Variants in VARS1 observed in about 807,000 individuals in gnomAD.
The protein encoded by VARS1 is valyl-tRNA synthetase 1, also known as valine--tRNA ligase.
Under a neutral mutation model 161.0 loss-of-function variants are expected in VARS1, and 92 were observed. That is an observed-to-expected ratio of 0.57 (90% CI 0.48 to 0.68). The LOEUF (loss-of-function observed/expected upper bound fraction) is 0.68. Ranked by LOEUF, VARS1 falls within the 30% of genes least tolerant of loss-of-function variation. The pLI is 0.00. For synonymous variants in VARS1, 595 were observed against 682.5 expected (o/e 0.87, Z 2.00); for missense variants, 1,338 against 1,695.9 (o/e 0.79, Z 3.71).
At position 31,781,131 on chromosome 6, in the gene VARS1, G is replaced by A. The variant is rs1228020485; in HGVS notation, c.2545-8C>T. On this transcript the variant is annotated splice_region_variant and splice_polypyrimidine_tract_variant and intron_variant, in intron 21 of 29. Transcript: ENST00000375663. The surrounding 1 kb of genome is among the most constrained non-coding windows in gnomAD (Gnocchi z 6.8). ...GATGGCATGGAGGTAGACCTGCAGA[G>A]CAGGTGGGGAGGCCCATGAGACTCA... 3.7e-6 allele frequency: 6 copies of A among 1,612,422 alleles called. No homozygotes were observed. The African/African-American group carries it at 5.3e-5, about 14-fold the overall frequency.
chr6:31,780,799 AG>A lies in VARS1; in HGVS notation c.2719-17del. On this transcript the variant is annotated splice_polypyrimidine_tract_variant and intron_variant, in intron 23 of 29. Transcript: ENST00000375663. The surrounding 1 kb of genome is among the most constrained non-coding windows in gnomAD (Gnocchi z 5.1). ...AGTCAGCTTTCTACAGGGAAGAGGC[AG>A]GGGGAGGAGCGTCCTCAGCCAGCCC... 1 of 1,614,158 alleles carries A rather than the reference AG, an allele frequency of 6.2e-7. No individual in the cohort carries two copies. The highest frequency in any genetic ancestry group is 8.5e-7 in the Non-Finnish European group (1 of 1,179,996).
In VARS1 at chr6:31,795,405, T is replaced by G; in HGVS notation, c.-34+141A>C. On this transcript the variant is annotated intron_variant, in intron 1 of 29. Coordinates refer to ENST00000375663, the MANE Select transcript of VARS1 (RefSeq NM_006295.3). The surrounding 1 kb of genome is among the most constrained non-coding windows in gnomAD (Gnocchi z 6.9). ...GGCAGGCTGTCAGGAGCCGAGGACC[T>G]GGCTCTCAGAGGGGCAGTGTCAGTG... is the stretch of plus-strand genomic sequence containing the variant. 2.3e-6 allele frequency: 1 copy of G among 438,952 alleles called. No homozygotes were observed. Among genetic ancestry groups the G allele is most frequent in the South Asian group, 1.2e-4 (1 of 8,380 alleles). The allele number at this position is 438,952 out of a possible 1,614,324, so 27.2% of individuals were successfully genotyped here. A position where few individuals can be genotyped will look rare whatever the true frequency, so the allele number is the denominator to read the frequency against.
rs1419911404 is a variant in VARS1 at position 31,780,716 on chromosome 6, T to A, written c.2786A>T (p.Tyr929Phe). The A allele has an allele frequency of 2.5e-6, 4 of 1,614,028 alleles. No individual in the cohort carries two copies. The highest frequency in any genetic ancestry group is 3.4e-6 in the Non-Finnish European group (4 of 1,180,032). Residue 929 changes from tyrosine to phenylalanine, a missense_variant, in exon 24 of 30, where the codon TAC becomes TTC. Physicochemically the swap from Tyr to Phe is conservative, Grantham distance 22 (BLOSUM62 3). Coordinates refer to ENST00000375663, the MANE Select transcript of VARS1 (RefSeq NM_006295.3). The surrounding 1 kb of genome is among the most constrained non-coding windows in gnomAD (Gnocchi z 5.1). ...TTTGGGGGCCATACCCTGGGACATG[T>A]AGGCACATAATCCAAACCGGAGAGC... Reference protein sequence around the residue: ...TDALRFGLCAYMSQGRDINLD... With the variant: ...TDALRFGLCAFMSQGRDINLD...
In VARS1 at chr6:31,784,052, TC is replaced by T. The variant is rs1178740195; in HGVS notation, c.1671+161del. On this transcript the variant is annotated intron_variant, in intron 13 of 29. Transcript: ENST00000375663. The surrounding 1 kb of genome is among the most constrained non-coding windows in gnomAD (Gnocchi z 6.1). ...CCAACACTTGAACTCCCCCAAACAG[TC>T]CCCAATAGCTCTACCCTCAGAGCTG... Among the ~76,000 whole-genome samples the T allele has an allele frequency of 6.6e-6, 1 of 152,030 alleles. No individual in the cohort carries two copies. Among genetic ancestry groups the T allele is most frequent in the African/African-American group, 2.4e-5 (1 of 41,368 alleles).
At position 31,778,689 on chromosome 6, in the gene VARS1, TG is replaced by T. The variant is rs1812899899; in HGVS notation, c.3726+277del. ...TATGGCCAGCTAATTTTTGTATTTT[TG>T]TTGTAGAGATGGGATTTCACCATGT... is the stretch of plus-strand genomic sequence containing the variant. On this transcript the variant is annotated intron_variant, in intron 29 of 29. Transcript: ENST00000375663. The surrounding 1 kb of genome is among the most constrained non-coding windows in gnomAD (Gnocchi z 5.1). 1.9e-6 allele frequency: 1 copy of T among 526,000 alleles called. No individual in the cohort carries two copies. Among genetic ancestry groups the T allele is most frequent in the African/African-American group, 2.0e-5 (1 of 50,912 alleles). The allele number at this position is 526,000 out of a possible 1,614,324, so 32.6% of individuals were successfully genotyped here.
chr6:31,783,435 G>A (rs958378133), intron 13 of VARS1, among the ~76,000 whole-genome samples: 1 of 152,018 alleles, frequency 6.6e-6, no homozygotes, highest in Admixed American at 6.5e-5. Flanking sequence ...GCTTGAACCC[G>A]GGAGGTGGAG....
Position 31,782,866 on chromosome 6 carries a change from C to T in VARS1, c.1763-21G>A. On this transcript the variant is annotated intron_variant, in intron 14 of 29. Transcript: ENST00000375663. The surrounding 1 kb of genome is among the most constrained non-coding windows in gnomAD (Gnocchi z 8.3). ...AGCACCTGGGTGTACATCAGGATGC[C>T]CAGGTCATGAGGGACTCCACGGAGT... The T allele has an allele frequency of 6.2e-7, 1 of 1,604,362 alleles. No homozygotes were observed. The highest frequency in any genetic ancestry group is 8.5e-7 in the Non-Finnish European group (1 of 1,175,682).
chr6:31,780,149 C>T lies in VARS1; in HGVS notation c.2930G>A (p.Gly977Glu), dbSNP rs745972189. The change falls in exon 26 of 30, where the codon GGA (glycine) becomes GAA (glutamate). Residue 977 changes from glycine (G) to glutamate (E), a missense_variant. By Grantham distance (98) the Gly-to-Glu change is moderately conservative (BLOSUM62 -2). Transcript: ENST00000375663. This position sits in a 1 kb window ranked among gnomAD's most constrained non-coding sequence, Gnocchi z 5.1. ...GFVPSPTSQP[G>E]GHESLVDRWI... ...GCGGTCCACCAGGCTCTCATGGCCT[C>T]CGGGCTTGGGGAGAGAGGGTGTATC... is the stretch of plus-strand genomic sequence containing the variant. 1 of 1,613,518 alleles carries T rather than the reference C, an allele frequency of 6.2e-7. No individual in the cohort carries two copies. The highest frequency in any genetic ancestry group is 2.2e-5 in the East Asian group (1 of 44,878).
rs994488509 is a variant in VARS1 at position 31,778,517 on chromosome 6, G to T, written c.3726+450C>A. On this transcript the variant is annotated intron_variant, in intron 29 of 29. Coordinates refer to ENST00000375663, the MANE Select transcript of VARS1 (RefSeq NM_006295.3). This position sits in a 1 kb window ranked among gnomAD's most constrained non-coding sequence, Gnocchi z 5.1. ...CCAGGATTGGTTTTTGTTTTGTTTT[G>T]TTTTTTTTCCAGACAGGGTCTTCTC... is the stretch of plus-strand genomic sequence containing the variant. Among the ~76,000 whole-genome samples, 16 of 151,922 alleles carry T rather than the reference G, an allele frequency of 1.1e-4. No homozygotes were observed. In the East Asian group the frequency reaches 3.1e-3, roughly 29 times the overall value.
rs1230585311 is a variant in VARS1, at chr6:31,779,779, C to T, written c.3117G>A (p.Gln1039=). The change falls in exon 27 of 30, where the codon CAG becomes CAA. Residue 1039 remains glutamine (Q), a synonymous_variant. Transcript: ENST00000375663. The surrounding 1 kb of genome is among the most constrained non-coding windows in gnomAD (Gnocchi z 9.1). ...CLKPVLNGVD[Q]VAAECARQTL... ...TCTGGCGGGCACACTCAGCTGCCAC[C>T]TGGTCCACCCCATTCAGTACAGGTT... is the stretch of plus-strand genomic sequence containing the variant. The T allele has an allele frequency of 6.2e-7, 1 of 1,613,024 alleles. No individual in the cohort carries two copies.
intron 13 of VARS1, 25 bp from the exon 14 acceptor site, chr6:31,783,211 C>A (rs777655218): frequency 1.9e-6 from 3 of 1,608,838 alleles, no homozygotes; most frequent in Non-Finnish European, 1.7e-6. Context: ...ATACCAAAAA[C>A]GCATGAAGCA....
chr6:31,782,664 T>C lies in VARS1; in HGVS notation c.1888-31A>G. Reference sequence around the variant, plus strand: ...TAGGAATGAGGCCTCATCATGGCGATGCCCAGCCATCCCTCCATCTCCCTG... The same window carrying C: ...TAGGAATGAGGCCTCATCATGGCGACGCCCAGCCATCCCTCCATCTCCCTG... On this transcript the variant is annotated intron_variant, in intron 15 of 29. Coordinates refer to ENST00000375663, the MANE Select transcript of VARS1 (RefSeq NM_006295.3). This position sits in a 1 kb window ranked among gnomAD's most constrained non-coding sequence, Gnocchi z 8.3. 1 of 1,613,090 alleles carries C rather than the reference T, an allele frequency of 6.2e-7. No individual in the cohort carries two copies. The highest frequency in any genetic ancestry group is 8.5e-7 in the Non-Finnish European group (1 of 1,180,038).
At chr6:31,793,144 G>A in intron 2 of VARS1, 24 bp from the exon 3 acceptor site, 1 of 1,573,498 alleles carries the variant, frequency 6.4e-7, no homozygotes, top group Non-Finnish European at 8.6e-7. Flanking sequence ...GAAGAAGTGT[G>A]AGACAAGGTT....
Position 31,791,616 on chromosome 6 carries a change from G to A in VARS1, c.1094C>T (p.Thr365Ile), listed in dbSNP as rs1220909314. 3 of 1,610,942 alleles carry A rather than the reference G, an allele frequency of 1.9e-6. No individual in the cohort carries two copies. The highest frequency in any genetic ancestry group is 2.2e-5 in the South Asian group (2 of 90,862). Residue 365 changes from threonine to isoleucine, a missense_variant, in exon 8 of 30, where the codon ACT becomes ATT. By Grantham distance (89) the Thr-to-Ile change is moderately conservative. Transcript: ENST00000375663. This position sits in a 1 kb window ranked among gnomAD's most constrained non-coding sequence, Gnocchi z 5.0. ...ALTNAIQDSL[T>I]RWHRMRGETT... ...GGTGCAGATAGAAGCTCACCATCGAGTCAGGGAGTCCTGGATGGCGTTGGT... is the reference window on the plus strand; with the variant it reads ...GGTGCAGATAGAAGCTCACCATCGAATCAGGGAGTCCTGGATGGCGTTGGT...
Position 31,779,618 on chromosome 6 carries a change from T to C in VARS1, c.3278A>G (p.Glu1093Gly), listed in dbSNP as rs777418717. The C allele has an allele frequency of 6.2e-7, 1 of 1,612,368 alleles. No individual in the cohort carries two copies. The highest frequency in any genetic ancestry group is 8.5e-7 in the Non-Finnish European group (1 of 1,179,738). Residue 1093 changes from glutamate (E) to glycine (G), a missense_variant, in exon 27 of 30, where the codon GAG becomes GGG. Physicochemically the swap from Glu to Gly is moderately conservative, Grantham distance 98. Transcript: ENST00000375663. This position sits in a 1 kb window ranked among gnomAD's most constrained non-coding sequence, Gnocchi z 9.1. The stretch of plus-strand genomic sequence containing the variant: ...CAGGCCATGCCATACCTCTGAGGGC[T>C]CCGGGTAGGGGGTAACACAGAGGCT... ...PPSLCVTPYP[E>G]PSECSWKDPE...
chr6:31,779,500 C>G lies in VARS1; in HGVS notation c.3325G>C (p.Glu1109Gln), dbSNP rs1812985356. 1.2e-5 allele frequency: 19 copies of G among 1,612,818 alleles called. No individual in the cohort carries two copies. Among genetic ancestry groups the G allele is most frequent in the Non-Finnish European group, 1.6e-5 (19 of 1,179,978 alleles). Residue 1109 changes from glutamate (E) to glutamine (Q), a missense_variant, in exon 28 of 30, where the codon GAG becomes CAG. This residue lies in a region of VARS1 where 433 missense variants were observed against 586.2 expected (regional missense o/e 0.74). Transcript: ENST00000375663. The surrounding 1 kb of genome is among the most constrained non-coding windows in gnomAD (Gnocchi z 9.1). ...WKDPEAEAAL[E>Q]LALSITRAVR... is the part of the protein sequence containing the mutation. ...GCTCGCGTGATGCTTAGCGCCAGCT[C>G]AAGGGCGGCTTCTGCCTCGGGGTCC... is the stretch of plus-strand genomic sequence containing the variant.
chr6:31,790,730 G>A (rs1197947596), intron 8 of VARS1, among the ~76,000 whole-genome samples: 1 of 150,080 alleles, frequency 6.7e-6, no homozygotes, highest in African/African-American at 2.5e-5. Flanking sequence ...GACAAGGAAA[G>A]ATCTCCAAGA....
chr6:31,781,812 A>C lies in VARS1; in HGVS notation c.2347+35T>G, dbSNP rs1049425064. 3.1e-6 allele frequency: 5 copies of C among 1,612,894 alleles called. No homozygotes were observed. Among genetic ancestry groups the C allele is most frequent in the South Asian group, 1.1e-5 (1 of 91,080 alleles). On this transcript the variant is annotated intron_variant, in intron 19 of 29. Coordinates refer to ENST00000375663, the MANE Select transcript of VARS1 (RefSeq NM_006295.3). This position sits in a 1 kb window ranked among gnomAD's most constrained non-coding sequence, Gnocchi z 6.8. ...CAGAGGGAGTGGAGCTCTGCCCCCC[A>C]CAACTCCCTCCAGACCCTCAAAGCC...
chr6:31,780,078 C>T lies in VARS1; in HGVS notation c.3001G>A (p.Gly1001Ser), dbSNP rs535772056. The change falls in exon 26 of 30, where the codon GGC (glycine) becomes AGC (serine). Residue 1001 changes from glycine (G) to serine (S), a missense_variant. By Grantham distance (56) the Gly-to-Ser change is moderately conservative. Around this residue, in one of 3 missense-constraint regions of VARS1, gnomAD observed 433 missense variants for 586.2 expected, o/e 0.74. Transcript: ENST00000375663. This position sits in a 1 kb window ranked among gnomAD's most constrained non-coding sequence, Gnocchi z 5.1. ...LTEAVRLSNQGFQAYDFPAVT... is the reference protein window; with the variant it reads ...LTEAVRLSNQSFQAYDFPAVT... ...GCCGGGAAGTCGTAGGCCTGGAAGCCTTGATTGCTGAGCCTCACAGCCTCT... is the reference window on the plus strand; with the variant it reads ...GCCGGGAAGTCGTAGGCCTGGAAGCTTTGATTGCTGAGCCTCACAGCCTCT... 1 of 1,614,162 alleles carries T rather than the reference C, an allele frequency of 6.2e-7. No individual in the cohort carries two copies. The highest frequency in any genetic ancestry group is 1.3e-5 in the African/African-American group (1 of 75,060).
Sources: allele counts gnomAD v4.1 joint callset (sites outside exome capture counted in the v4.1 genomes callset), GRCh38; gene constraint gnomAD v4.1.1; regional missense constraint gnomAD v4.1.1; non-coding constraint Gnocchi (gnomAD v3.1); transcripts MANE v1.5; gene names NCBI Gene and HGNC (gene_info 2026-07-23, HGNC 2026-07-21).